The following PLCB1 variants were observed in gnomAD, a reference collection of about 807,000 sequenced individuals.
The protein encoded by PLCB1 is 1-phosphatidylinositol 4,5-bisphosphate phosphodiesterase beta-1.
Under a neutral mutation model 161.8 loss-of-function variants are expected in PLCB1, and 46 were observed. The ratio of observed to expected loss-of-function variants is 0.28; its 90% CI spans 0.22 to 0.36. PLCB1 has a LOEUF of 0.36. Ranked by LOEUF, PLCB1 falls within the 10% of genes least tolerant of loss-of-function variation. The probability of loss-of-function intolerance (pLI) is 1.00; values close to 1 mark genes in which losing one functional copy is unlikely to be tolerated. For missense variants in PLCB1, 1,016 were observed against 1,472.5 expected (o/e 0.69, Z 5.07); for synonymous variants, 517 against 503.7 (o/e 1.03, Z -0.35).
chr20:8,416,023 T>G (rs1213176801), intron 3 of PLCB1, among the ~76,000 whole-genome samples: 1 of 152,160 alleles, frequency 6.6e-6, no homozygotes, highest in Non-Finnish European at 1.5e-5. Flanking sequence ...ATTTCTTTCT[T>G]TTTTCTGAAA....
At chr20:8,879,114 C>T (rs570359674) in intron 31 of PLCB1, among the ~76,000 whole-genome samples, 24 of 152,214 alleles carry the variant, frequency 1.6e-4, no homozygotes, top group African/African-American at 5.5e-4. Context: ...CCAGCTGCAT[C>T]CATGTTGCTG....
chr20:8,188,885 A>T (rs1256120869), intron 2 of PLCB1, among the ~76,000 whole-genome samples: 2 of 152,170 alleles, frequency 1.3e-5, no homozygotes, highest in Non-Finnish European at 2.9e-5. Context: ...TAAAATTAGT[A>T]TATGATTGAT....
intron 3 of PLCB1, among the ~76,000 whole-genome samples, chr20:8,569,648 T>G (rs190542078): frequency 2.0e-5 from 3 of 152,334 alleles, no homozygotes; most frequent in Non-Finnish European, 4.4e-5. Context: ...TTATAGTGTA[T>G]GCAATCACTG....
intron 27 of PLCB1, among the ~76,000 whole-genome samples, chr20:8,778,029 C>T (rs1983032287): frequency 6.6e-6 from 1 of 152,122 alleles, no homozygotes; most frequent in South Asian, 2.1e-4. Context: ...AGGTCCCGCC[C>T]ACAACATGTG....
chr20:8,862,730 A>T (rs1451569897), intron 31 of PLCB1, among the ~76,000 whole-genome samples: 1 of 152,196 alleles, frequency 6.6e-6, no homozygotes. Context: ...TTAATCCAAA[A>T]CTACAAGAAA....
intron 31 of PLCB1, among the ~76,000 whole-genome samples, chr20:8,800,226 T>C (rs1984218877): frequency 1.3e-5 from 2 of 152,212 alleles, no homozygotes; most frequent in Non-Finnish European, 1.5e-5. Flanking sequence ...AAGAACAGCA[T>C]TACAGTCTCT....
At chr20:8,209,154 T>A (rs1242641983) in intron 2 of PLCB1, among the ~76,000 whole-genome samples, 1 of 152,164 alleles carries the variant, frequency 6.6e-6, no homozygotes, top group Non-Finnish European at 1.5e-5. Flanking sequence ...GAACTCTGGC[T>A]GCTATTTTAA....
chr20:8,746,017 G>C (rs6056054), intron 23 of PLCB1, among the ~76,000 whole-genome samples: 1 of 151,850 alleles, frequency 6.6e-6, no homozygotes, highest in South Asian at 2.1e-4. Flanking sequence ...CTGCAGCCTC[G>C]GCCTCCCGGG....
intron 3 of PLCB1, among the ~76,000 whole-genome samples, chr20:8,394,773 A>G (rs2122446500): frequency 6.6e-6 from 1 of 152,218 alleles, no homozygotes; most frequent in South Asian, 2.1e-4. Context: ...TGCATCATCC[A>G]TATTCTCAAT....
At position 8,498,052 on chromosome 20, in the gene PLCB1, A is replaced by G. The variant is rs1983249365; in HGVS notation, c.246+126602A>G. 2.6e-5 allele frequency among the ~76,000 whole-genome samples: 4 copies of G among 152,322 alleles called. No homozygotes were observed. In the South Asian group the frequency reaches 8.3e-4, roughly 32 times the overall value. On this transcript the variant is annotated intron_variant, in intron 3 of 31. Coordinates refer to ENST00000338037, the MANE Select transcript of PLCB1 (RefSeq NM_015192.4). ...ACAATAAAACCAATAATAAAAGTGTATTCCTATAGCCAATAGCCAAGAATC... is the reference window on the plus strand; with the variant it reads ...ACAATAAAACCAATAATAAAAGTGTGTTCCTATAGCCAATAGCCAAGAATC...
intron 2 of PLCB1, among the ~76,000 whole-genome samples, chr20:8,275,104 A>G (rs1434460255): frequency 6.6e-6 from 1 of 152,074 alleles, no homozygotes; most frequent in Non-Finnish European, 1.5e-5. Context: ...TGAGAGCTGA[A>G]TATTTCACGT....
chr20:8,332,175 G>T (rs1277856697), intron 2 of PLCB1, among the ~76,000 whole-genome samples: 2 of 152,194 alleles, frequency 1.3e-5, no homozygotes, highest in Non-Finnish European at 2.9e-5. Context: ...AAATGAACAT[G>T]ATTCTACTGA....
chr20:8,276,926 T>TTTCTTCTTCTTCTTC (rs752434070), intron 2 of PLCB1, among the ~76,000 whole-genome samples: 120 of 104,812 alleles, frequency 1.1e-3, no homozygotes, highest in Middle Eastern at 5.0e-3. Context: ...GTCTTCTTCT[T>TTTCTTCTTCTTCTTC]TTCTTCTTCT....
chr20:8,834,835 AAAC>A (rs1986210935), intron 31 of PLCB1, among the ~76,000 whole-genome samples: 3 of 135,732 alleles, frequency 2.2e-5, no homozygotes, highest in African/African-American at 8.1e-5. Context: ...AAAAAAAAAA[AAAC>A]CACAGGCTGC....
intron 31 of PLCB1, among the ~76,000 whole-genome samples, chr20:8,807,487 G>A (rs1984595496): frequency 1.3e-5 from 2 of 151,718 alleles, no homozygotes; most frequent in Admixed American, 6.6e-5. Context: ...TAAAATAAAT[G>A]TATATATGCG....
intron 31 of PLCB1, among the ~76,000 whole-genome samples, chr20:8,803,697 T>C (rs369813462): frequency 1.3e-5 from 2 of 152,226 alleles, no homozygotes; most frequent in Non-Finnish European, 2.9e-5. Context: ...GTTAAGACTA[T>C]CTTTTAAATC....
rs1271348041 is a variant in PLCB1 at position 8,875,538 on chromosome 20, T to G, written c.3424-6084T>G. Among the ~76,000 whole-genome samples the G allele has an allele frequency of 4.7e-5, 7 of 148,020 alleles. No homozygotes were observed. In the East Asian group the frequency reaches 1.4e-3, roughly 29 times the overall value. Reference sequence around the variant, plus strand: ...ATATATAAATATAATATATTAATATTTATATTATAAAATACATTGGCCTTA... The same window carrying G: ...ATATATAAATATAATATATTAATATGTATATTATAAAATACATTGGCCTTA... On this transcript the variant is annotated intron_variant, in intron 31 of 31. Transcript: ENST00000338037.
Position 8,795,207 on chromosome 20 carries a change from G to A in PLCB1, c.3423+4946G>A, listed in dbSNP as rs148830427. Among the ~76,000 whole-genome samples, 1,390 of 152,262 alleles carry A rather than the reference G, an allele frequency of 9.1e-3. 14 individuals carry two copies. Among genetic ancestry groups the A allele is most frequent in the African/African-American group, 0.031 (1,294 of 41,544 alleles). On this transcript the variant is annotated intron_variant, in intron 31 of 31. Coordinates refer to ENST00000338037, the MANE Select transcript of PLCB1 (RefSeq NM_015192.4). ...GTGACATGCACTAGGATCTTTTCAT[G>A]TGGAGAGTTCATTTTTTCCCTATGA...
At chr20:8,731,976 T>A (rs751376319) in intron 18 of PLCB1, 1 of 150,730 alleles carries the variant, frequency 6.6e-6, no homozygotes, top group African/African-American at 2.5e-5. Context: ...ATTATGCACA[T>A]AGAGATGAGT....
Sources: allele counts gnomAD v4.1 joint callset (sites outside exome capture counted in the v4.1 genomes callset), GRCh38; gene constraint gnomAD v4.1.1; transcripts MANE v1.5; gene names NCBI Gene and HGNC (gene_info 2026-07-23, HGNC 2026-07-21).